The following PSMD1 variants were observed in gnomAD, a reference collection of about 807,000 sequenced individuals.
The protein encoded by PSMD1 is 26S proteasome non-ATPase regulatory subunit 1.
A neutral mutation model predicts 119.0 loss-of-function variants in PSMD1; 18 were observed. That is an observed-to-expected ratio of 0.15 (90% CI 0.10 to 0.22). The LOEUF (loss-of-function observed/expected upper bound fraction) is 0.22. Among genes scored for constraint, PSMD1 ranks in the 10% least tolerant of loss-of-function variants. The probability of loss-of-function intolerance (pLI) is 1.00; values close to 1 mark genes in which losing one functional copy is unlikely to be tolerated. For missense variants in PSMD1, 702 were observed against 1,158.5 expected, an observed-to-expected ratio of 0.61 and a Z score of 5.72; for synonymous variants, 374 against 396.6, an observed-to-expected ratio of 0.94 and a Z score of 0.68.
intron 16 of PSMD1, among the ~76,000 whole-genome samples, chr2:231,112,799 G>T (rs1052117142): frequency 1.3e-5 from 2 of 151,916 alleles, no homozygotes; most frequent in African/African-American, 4.9e-5. Context: ...AGAAGAAAAA[G>T]GATTTCTTTT....
chr2:231,113,093 A>G (rs1695211292), intron 16 of PSMD1, among the ~76,000 whole-genome samples: 1 of 152,128 alleles, frequency 6.6e-6, no homozygotes, highest in Non-Finnish European at 1.5e-5. Flanking sequence ...GAGCCCGGGA[A>G]GTCGAGGCAG....
At chr2:231,167,350 G>A (rs1696809626) in intron 23 of PSMD1, among the ~76,000 whole-genome samples, 1 of 152,176 alleles carries the variant, frequency 6.6e-6, no homozygotes, top group Non-Finnish European at 1.5e-5. Flanking sequence ...GAAATAACTA[G>A]TGTTTTTGAT....
chr2:231,118,233 T>C (rs1695410540), intron 16 of PSMD1, among the ~76,000 whole-genome samples: 1 of 152,132 alleles, frequency 6.6e-6, no homozygotes, highest in Admixed American at 6.5e-5. Context: ...ACTCAATAAA[T>C]GTTAGTGCTT....
chr2:231,125,073 C>T (rs561894099), intron 16 of PSMD1: 3 of 152,290 alleles, frequency 2.0e-5, no homozygotes, highest in Non-Finnish European at 4.4e-5. Context: ...TTATTCTGAG[C>T]CTCCAGCACA....
intron 16 of PSMD1, chr2:231,108,657 C>T: frequency 6.2e-7 from 1 of 1,614,078 alleles, no homozygotes; most frequent in South Asian, 1.1e-5. Context: ...GGGTTAATCC[C>T]ATTTCGAATT....
intron 19 of PSMD1, among the ~76,000 whole-genome samples, chr2:231,157,430 C>CTTT (rs756874279): frequency 7.8e-6 from 1 of 128,882 alleles, no homozygotes; most frequent in East Asian, 2.3e-4. Flanking sequence ...TTTTCTTTTT[C>CTTT]TTTTTTTTTT....
At chr2:231,123,624 A>G in intron 16 of PSMD1, 2 of 1,614,154 alleles carry the variant, frequency 1.2e-6, no homozygotes, top group Non-Finnish European at 1.7e-6. Flanking sequence ...CCTGTTCCTC[A>G]ACAATCTGTT....
At chr2:231,066,403 T>C (rs1693911583) in intron 4 of PSMD1, among the ~76,000 whole-genome samples, 1 of 152,232 alleles carries the variant, frequency 6.6e-6, no homozygotes, top group African/African-American at 2.4e-5. Context: ...TAATAGGCCT[T>C]TTAAAATATC....
Position 231,170,558 on chromosome 2 carries a change from G to A in PSMD1, c.2716-8G>A. The A allele has an allele frequency of 1.2e-6, 2 of 1,607,288 alleles. No homozygotes were observed. The highest frequency in any genetic ancestry group is 2.2e-5 in the South Asian group (2 of 89,866). On this transcript the variant is annotated splice_polypyrimidine_tract_variant and splice_region_variant and intron_variant, in intron 23 of 24. Transcript: ENST00000308696. This position sits in a 1 kb window ranked among gnomAD's most constrained non-coding sequence, Gnocchi z 4.1. Reference sequence around the variant, plus strand: ...AGTGTACGCTTCTGCACGCCCCTGTGTTTCCAGCTCTCTATTGGAGGCATC... The same window carrying A: ...AGTGTACGCTTCTGCACGCCCCTGTATTTCCAGCTCTCTATTGGAGGCATC...
rs76325921 is a variant in PSMD1, at chr2:231,076,908, T to G, written c.943-126T>G. 1,115 of 773,264 alleles carry G rather than the reference T, an allele frequency of 1.4e-3. 6 individuals carry two copies. The African/African-American group carries it at 0.017, about 12-fold the overall frequency. 47.9% of individuals were successfully genotyped at this position (773,264 alleles called of 1,614,324 possible). A position where few individuals can be genotyped will look rare whatever the true frequency, so the allele number is the denominator to read the frequency against. ...CAGTAGCATCTAATAAAGAAAGAAA[T>G]AAATTATCCTTTCTCTTAAAATGGA... On this transcript the variant is annotated intron_variant, in intron 8 of 24. Transcript: ENST00000308696.
intron 16 of PSMD1, among the ~76,000 whole-genome samples, chr2:231,102,406 T>C (rs2125195332): frequency 6.6e-6 from 1 of 152,322 alleles, no homozygotes; most frequent in South Asian, 2.1e-4. Context: ...AAAATTCACG[T>C]ATAACTTTTG....
intron 2 of PSMD1, 27 bp downstream of exon 2, chr2:231,061,337 G>T: frequency 6.5e-7 from 1 of 1,537,902 alleles, no homozygotes; most frequent in East Asian, 2.3e-5. Context: ...AAGTAACTAG[G>T]CTTAGTGTGA....
chr2:231,062,673 T>C lies in PSMD1; in HGVS notation c.302T>C (p.Ile101Thr), dbSNP rs1261940510. The change falls in exon 4 of 25, where the codon ATA (isoleucine) becomes ACA (threonine). Residue 101 changes from isoleucine to threonine, a missense_variant and splice_region_variant. Physicochemically the swap from Ile to Thr is moderately conservative, Grantham distance 89 (BLOSUM62 -1). Transcript: ENST00000308696. ...NDNSEYVETI[I>T]AKCIDHYTKQ... is the part of the protein sequence containing the mutation. Reference sequence around the variant, plus strand: ...AACTCTGAATATGTGGAAACTATTATAGGTAATTATCGTCTATCTGGTAAG... The same window carrying C: ...AACTCTGAATATGTGGAAACTATTACAGGTAATTATCGTCTATCTGGTAAG... The C allele has an allele frequency of 6.3e-6, 10 of 1,590,280 alleles. No homozygotes were observed. Among genetic ancestry groups the C allele is most frequent in the Non-Finnish European group, 5.1e-6 (6 of 1,169,134 alleles).
chr2:231,088,908 G>C (rs889869145), intron 16 of PSMD1, among the ~76,000 whole-genome samples: 1 of 152,212 alleles, frequency 6.6e-6, no homozygotes, highest in Non-Finnish European at 1.5e-5. Context: ...AGTTGTGAAT[G>C]CAAAGAAAAA....
chr2:231,096,546 C>T (rs1040021733), intron 16 of PSMD1, among the ~76,000 whole-genome samples: 5 of 152,172 alleles, frequency 3.3e-5, no homozygotes, highest in Non-Finnish European at 5.9e-5. Flanking sequence ...GTACCTTCTT[C>T]GGGGAACCAC....
At chr2:231,061,834 T>G (rs1693768119) in intron 2 of PSMD1, among the ~76,000 whole-genome samples, 1 of 152,188 alleles carries the variant, frequency 6.6e-6, no homozygotes, top group Non-Finnish European at 1.5e-5. Flanking sequence ...CCTCCCAAAG[T>G]ACTGGGATTA....
Position 231,118,085 on chromosome 2 carries a change from A to C in PSMD1, c.1884-20651A>C, listed in dbSNP as rs893087789. 3.4e-5 allele frequency among the ~76,000 whole-genome samples: 5 copies of C among 149,152 alleles called. No individual in the cohort carries two copies. In the East Asian group the frequency reaches 5.8e-4, roughly 17 times the overall value. ...CTTACTTTGTAATCTTGAACAGATT[A>C]CTTATCCCTCTGCTTCTCTGTCCTC... On this transcript the variant is annotated intron_variant, in intron 16 of 24. Transcript: ENST00000308696.
At chr2:231,161,197 T>C in intron 19 of PSMD1, 143 bp from the exon 20 acceptor site, 1 of 775,074 alleles carries the variant, frequency 1.3e-6, no homozygotes, top group South Asian at 2.1e-5. Context: ...AGTGTTTCAC[T>C]CTGTCACCCG....
intron 16 of PSMD1, among the ~76,000 whole-genome samples, chr2:231,096,539 C>A (rs906600899): frequency 7.9e-5 from 12 of 152,256 alleles, no homozygotes; most frequent in African/African-American, 2.9e-4. Context: ...GTCTAATGTA[C>A]CTTCTTCGGG....
Sources: allele counts gnomAD v4.1 joint callset (sites outside exome capture counted in the v4.1 genomes callset), GRCh38; gene constraint gnomAD v4.1.1; non-coding constraint Gnocchi (gnomAD v3.1); transcripts MANE v1.5; gene names NCBI Gene and HGNC (gene_info 2026-07-23, HGNC 2026-07-21).